Variants in RBFOX1 observed in about 807,000 individuals in gnomAD.
RBFOX1 encodes RNA binding fox-1 homolog 1, also known as RNA binding protein fox-1 homolog 1.
In RBFOX1, 8 loss-of-function variants were observed where a neutral mutation model predicts 57.7. The ratio of observed to expected loss-of-function variants is 0.14; its 90% CI spans 0.08 to 0.25. The LOEUF (loss-of-function observed/expected upper bound fraction) is 0.25. Among genes scored for constraint, RBFOX1 ranks in the 10% least tolerant of loss-of-function variants. The pLI, the probability that RBFOX1 is intolerant of heterozygous loss-of-function variation, is 1.00. For synonymous variants in RBFOX1, 326 were observed against 222.4 expected (o/e 1.47, Z -4.15); for missense variants, 611 against 548.5 (o/e 1.11, Z -1.14).
At chr16:6,082,927 C>T (rs1353718936) in intron 1 of RBFOX1, among the ~76,000 whole-genome samples, 1 of 152,134 alleles carries the variant, frequency 6.6e-6, no homozygotes, top group African/African-American at 2.4e-5. Context: ...ACAGACTCAC[C>T]CAATCACTGC....
At chr16:6,625,925 C>T (rs1002410993) in intron 2 of RBFOX1, among the ~76,000 whole-genome samples, 6 of 152,094 alleles carry the variant, frequency 3.9e-5, no homozygotes, top group South Asian at 2.1e-4. Flanking sequence ...GTAAAGTTTA[C>T]GTTATCAGAT....
At chr16:7,527,473 C>G (rs2078961178) in intron 5 of RBFOX1, among the ~76,000 whole-genome samples, 1 of 151,990 alleles carries the variant, frequency 6.6e-6, no homozygotes, top group Non-Finnish European at 1.5e-5. Context: ...CTTTTTTGGA[C>G]TGGGGTTTCA....
intron 4 of RBFOX1, among the ~76,000 whole-genome samples, chr16:7,458,230 T>G (rs142143153): frequency 1.2e-3 from 176 of 152,278 alleles, no homozygotes; most frequent in African/African-American, 3.8e-3. Flanking sequence ...GCCCTAAGTG[T>G]GTCCTTAAGG....
At chr16:7,261,183 G>C (rs374899421) in intron 4 of RBFOX1, among the ~76,000 whole-genome samples, 2 of 152,294 alleles carry the variant, frequency 1.3e-5, no homozygotes, top group Admixed American at 6.5e-5. Flanking sequence ...GCTTGTTTTG[G>C]CTGTGTGAAT....
At chr16:7,468,575 C>T (rs1207736224) in intron 4 of RBFOX1, among the ~76,000 whole-genome samples, 1 of 151,740 alleles carries the variant, frequency 6.6e-6, no homozygotes, top group Non-Finnish European at 1.5e-5. Context: ...AATGGGACAG[C>T]TTCCATCTTG....
intron 3 of RBFOX1, among the ~76,000 whole-genome samples, chr16:6,747,873 C>G (rs956000374): frequency 6.6e-6 from 1 of 152,142 alleles, no homozygotes; most frequent in Non-Finnish European, 1.5e-5. Context: ...ATAGGCAATC[C>G]ATACCTTATG....
intron 2 of RBFOX1, among the ~76,000 whole-genome samples, chr16:6,451,787 C>T (rs551468779): frequency 1.3e-5 from 2 of 152,258 alleles, no homozygotes; most frequent in Non-Finnish European, 1.5e-5. Flanking sequence ...TGCTCTTCCT[C>T]CCGTGACTCC....
chr16:6,497,566 A>ATTTT lies in RBFOX1; in HGVS notation c.-63-157037_-63-157036insTTTT, dbSNP rs766779443. ...ACACCGATTTTTGAAGTTTTTAAAA[A>ATTTT]AAAAAAAAAAACAGAGTTTTGCTCT... On this transcript the variant is annotated intron_variant, in intron 2 of 15. Transcript: ENST00000550418. Among the ~76,000 whole-genome samples, 32 of 140,496 alleles carry ATTTT rather than the reference A, an allele frequency of 2.3e-4. 1 individual carries two copies. Among genetic ancestry groups the ATTTT allele is most frequent in the African/African-American group, 5.3e-4 (18 of 33,888 alleles). The allele number at this position is 140,496 out of a possible 152,430, so 92.2% of individuals were successfully genotyped here.
chr16:5,772,047 C>T (rs577752696), intron 3 of RBFOX1, among the ~76,000 whole-genome samples: 4 of 152,192 alleles, frequency 2.6e-5, no homozygotes, highest in Admixed American at 2.0e-4. Flanking sequence ...CAGCACATGC[C>T]TGTAATCCCA....
intron 4 of RBFOX1, among the ~76,000 whole-genome samples, chr16:7,361,869 G>A (rs1385428185): frequency 1.7e-5 from 2 of 120,694 alleles, no homozygotes; most frequent in Non-Finnish European, 3.4e-5. Context: ...GTGTTAGTGC[G>A]TGTGTTTTGT....
chr16:6,777,072 T>C (rs1603620192), intron 3 of RBFOX1, among the ~76,000 whole-genome samples: 1 of 152,174 alleles, frequency 6.6e-6, no homozygotes. Flanking sequence ...AGGGATTCTG[T>C]GTTAACCGTG....
intron 1 of RBFOX1, among the ~76,000 whole-genome samples, chr16:6,181,911 G>C (rs2097066159): frequency 1.3e-5 from 1 of 74,666 alleles, no homozygotes; most frequent in African/African-American, 4.5e-5. Context: ...GCAACATTTT[G>C]GCTCAGTTTC....
chr16:7,281,941 C>T (rs1314485106), intron 4 of RBFOX1, among the ~76,000 whole-genome samples: 1 of 152,194 alleles, frequency 6.6e-6, no homozygotes, highest in East Asian at 1.9e-4. Flanking sequence ...TTATAGCTCA[C>T]TGCAACCTCT....
At chr16:7,101,694 A>T (rs1226537158) in intron 4 of RBFOX1, among the ~76,000 whole-genome samples, 5 of 152,160 alleles carry the variant, frequency 3.3e-5, no homozygotes. Context: ...GCATTCAAGT[A>T]GGGTGATTTT....
At chr16:6,083,014 G>GTTTT (rs34358141) in intron 1 of RBFOX1, among the ~76,000 whole-genome samples, 80,028 of 150,792 alleles carry the variant, frequency 0.53, 21,602 homozygotes, top group Non-Finnish European at 0.58. Context: ...TTGTTTGTTT[G>GTTTT]TTTTTTAGAT....
intron 2 of RBFOX1, among the ~76,000 whole-genome samples, chr16:6,584,881 T>C (rs1005335944): frequency 1.3e-5 from 2 of 152,184 alleles, no homozygotes; most frequent in Non-Finnish European, 2.9e-5. Context: ...ATGAGATGTC[T>C]GGTCATGTTC....
intron 2 of RBFOX1, among the ~76,000 whole-genome samples, chr16:5,526,325 A>G (rs953096585): frequency 3.3e-5 from 5 of 152,028 alleles, no homozygotes; most frequent in African/African-American, 1.2e-4. Flanking sequence ...GTCTCACTCT[A>G]CTGCCCAGGC....
chr16:6,440,986 A>T (rs555505964), intron 2 of RBFOX1, among the ~76,000 whole-genome samples: 1 of 152,096 alleles, frequency 6.6e-6, no homozygotes, highest in South Asian at 2.1e-4. Context: ...TGTATGGCTG[A>T]GGTGGAGTTG....
chr16:5,423,858 A>G (rs1294247116), intron 1 of RBFOX1, among the ~76,000 whole-genome samples: 2 of 152,182 alleles, frequency 1.3e-5, no homozygotes, highest in African/African-American at 4.8e-5. Flanking sequence ...GGCCAGGCTC[A>G]TTGAGGCCAG....
Sources: allele counts gnomAD v4.1 joint callset (sites outside exome capture counted in the v4.1 genomes callset), GRCh38; gene constraint gnomAD v4.1.1; transcripts MANE v1.5; gene names NCBI Gene and HGNC (gene_info 2026-07-23, HGNC 2026-07-21).